Variants in LDB2 observed in about 807,000 individuals in gnomAD.
LDB2 encodes LIM domain-binding protein 2.
Under a neutral mutation model 44.3 loss-of-function variants are expected in LDB2, and 12 were observed. The ratio of observed to expected loss-of-function variants is 0.27; its 90% CI spans 0.17 to 0.44. The LOEUF (loss-of-function observed/expected upper bound fraction) is 0.44. LDB2 is among the 20% of genes least tolerant of loss of function. LDB2 has a pLI of 1.00. For synonymous variants in LDB2, 164 were observed against 174.8 expected (o/e 0.94, Z 0.49); for missense variants, 344 against 473.5 (o/e 0.73, Z 2.54).
intron 1 of LDB2, among the ~76,000 whole-genome samples, chr4:16,811,297 G>A (rs964897222): frequency 3.9e-5 from 6 of 152,104 alleles, no homozygotes; most frequent in African/African-American, 1.4e-4. Context: ...TATGTCCCAT[G>A]GTTAATTCAC....
intron 2 of LDB2, among the ~76,000 whole-genome samples, chr4:16,758,033 A>G (rs1444136307): frequency 6.6e-6 from 1 of 151,992 alleles, no homozygotes; most frequent in African/African-American, 2.4e-5. Context: ...CAGCAAGTCC[A>G]CTCCGGGCTG....
chr4:16,590,349 A>C (rs557874188), intron 3 of LDB2, among the ~76,000 whole-genome samples: 1 of 152,342 alleles, frequency 6.6e-6, no homozygotes, highest in Non-Finnish European at 1.5e-5. Flanking sequence ...TAAATGAATA[A>C]GTAAAAATTA....
intron 2 of LDB2, among the ~76,000 whole-genome samples, chr4:16,640,510 T>C (rs1156305921): frequency 6.6e-6 from 1 of 152,156 alleles, no homozygotes; most frequent in Admixed American, 6.5e-5. Context: ...TCTTCATCAT[T>C]ATTTCTCAGA....
chr4:16,711,675 C>T (rs1755900640), intron 2 of LDB2, among the ~76,000 whole-genome samples: 1 of 151,940 alleles, frequency 6.6e-6, no homozygotes, highest in Non-Finnish European at 1.5e-5. Context: ...CAGTTAAGGA[C>T]CTGATTTCAA....
chr4:16,520,976 C>T (rs1444703910), intron 5 of LDB2, among the ~76,000 whole-genome samples: 2 of 152,128 alleles, frequency 1.3e-5, no homozygotes, highest in Non-Finnish European at 2.9e-5. Context: ...GGTTATTTGC[C>T]TCTTTGCTCT....
intron 2 of LDB2, among the ~76,000 whole-genome samples, chr4:16,753,542 G>C (rs904452676): frequency 6.6e-6 from 1 of 152,194 alleles, no homozygotes; most frequent in Non-Finnish European, 1.5e-5. Flanking sequence ...GTGGATTTGT[G>C]GTTCTTCAGA....
intron 2 of LDB2, among the ~76,000 whole-genome samples, chr4:16,641,040 C>CTA (rs1335506159): frequency 6.6e-6 from 1 of 151,680 alleles, no homozygotes; most frequent in Non-Finnish European, 1.5e-5. Context: ...AAGTTGAAAA[C>CTA]TATAAGGAAA....
In LDB2 at chr4:16,840,331, C is replaced by T. The variant is rs552245002; in HGVS notation, c.132+58023G>A. 9.2e-5 allele frequency among the ~76,000 whole-genome samples: 14 copies of T among 152,274 alleles called. No homozygotes were observed. The South Asian group carries it at 2.7e-3, about 29-fold the overall frequency. On this transcript the variant is annotated intron_variant, in intron 1 of 7. Coordinates refer to ENST00000304523, the MANE Select transcript of LDB2 (RefSeq NM_001290.5). ...TAAATGTATGCATGTGCTACTATCACAACTATGTAAAAAGATACATATATA... is the reference window on the plus strand; with the variant it reads ...TAAATGTATGCATGTGCTACTATCATAACTATGTAAAAAGATACATATATA...
At chr4:16,865,496 G>C (rs1561481528) in intron 1 of LDB2, among the ~76,000 whole-genome samples, 1 of 152,134 alleles carries the variant, frequency 6.6e-6, no homozygotes, top group East Asian at 1.9e-4. Flanking sequence ...ATGGCACTAA[G>C]GGCACCTCCT....
chr4:16,807,358 A>T (rs543455669), intron 1 of LDB2, among the ~76,000 whole-genome samples: 2 of 152,368 alleles, frequency 1.3e-5, no homozygotes, highest in South Asian at 4.1e-4. Flanking sequence ...TCTTCTAACC[A>T]GGAATAATGC....
At chr4:16,746,938 C>A (rs1764517929) in intron 2 of LDB2, among the ~76,000 whole-genome samples, 1 of 152,100 alleles carries the variant, frequency 6.6e-6, no homozygotes, top group Non-Finnish European at 1.5e-5. Flanking sequence ...CCACAAAGCC[C>A]AGAACTAGAA....
chr4:16,586,528 AACAC>A (rs375304103), intron 4 of LDB2, among the ~76,000 whole-genome samples: 4 of 69,434 alleles, frequency 5.8e-5, no homozygotes, highest in Admixed American at 1.3e-4. Context: ...ACACACACAA[AACAC>A]ACACACACAC....
At chr4:16,733,375 G>A (rs554157497) in intron 2 of LDB2, among the ~76,000 whole-genome samples, 3 of 152,112 alleles carry the variant, frequency 2.0e-5, no homozygotes, top group African/African-American at 7.2e-5. Context: ...AAGTTGGGGG[G>A]CTCTTGAGGG....
At chr4:16,604,505 A>G (rs897265163) in intron 2 of LDB2, among the ~76,000 whole-genome samples, 1 of 149,472 alleles carries the variant, frequency 6.7e-6, no homozygotes, top group Admixed American at 6.7e-5. Context: ...ATAACTTTGC[A>G]ATAACATGAG....
At chr4:16,689,094 G>A (rs1338252699) in intron 2 of LDB2, among the ~76,000 whole-genome samples, 1 of 152,194 alleles carries the variant, frequency 6.6e-6, no homozygotes, top group African/African-American at 2.4e-5. Flanking sequence ...GTGATGGAAG[G>A]GAAAGACAAG....
chr4:16,687,701 C>T (rs1749600035), intron 2 of LDB2, among the ~76,000 whole-genome samples: 1 of 152,122 alleles, frequency 6.6e-6, no homozygotes, highest in Admixed American at 6.5e-5. Context: ...TGCACCCTCC[C>T]ACACCCACCC....
intron 1 of LDB2, among the ~76,000 whole-genome samples, chr4:16,760,457 C>T (rs1298151060): frequency 2.0e-5 from 3 of 152,198 alleles, no homozygotes; most frequent in Non-Finnish European, 4.4e-5. Context: ...TTTTGCATCT[C>T]TCTTTGGCTT....
At position 16,517,837 on chromosome 4, in the gene LDB2, T is replaced by C. The variant is rs375637240; in HGVS notation, c.616-5733A>G. Reference sequence around the variant, plus strand: ...GATTCTGGCCCCAACACTGACCCTTTGGTATGAAATTTTGTAATCACAACA... The same window carrying C: ...GATTCTGGCCCCAACACTGACCCTTCGGTATGAAATTTTGTAATCACAACA... On this transcript the variant is annotated intron_variant, in intron 5 of 7. Transcript: ENST00000304523. Among the ~76,000 whole-genome samples, 3 of 152,252 alleles carry C rather than the reference T, an allele frequency of 2.0e-5. No homozygotes were observed. In the South Asian group the frequency reaches 6.2e-4, roughly 32 times the overall value.
In LDB2 at chr4:16,692,472, C is replaced by T. The variant is rs1354739040; in HGVS notation, c.235+66686G>A. The stretch of plus-strand genomic sequence containing the variant: ...CTTCCAACTTCACCTTGGAAAGTAG[C>T]GATGTACAGGTACTGGTGCCCTGAA... On this transcript the variant is annotated intron_variant, in intron 2 of 7. Coordinates refer to ENST00000304523, the MANE Select transcript of LDB2 (RefSeq NM_001290.5). Among the ~76,000 whole-genome samples the T allele has an allele frequency of 3.9e-5, 6 of 152,212 alleles. No individual in the cohort carries two copies. The East Asian group carries it at 1.2e-3, about 29-fold the overall frequency.
Sources: gnomAD v4.1 joint callset for allele counts (sites outside exome capture counted in the v4.1 genomes callset) on GRCh38, gnomAD v4.1.1 for gene constraint, MANE v1.5 for transcripts, NCBI Gene and HGNC (gene_info 2026-07-23, HGNC 2026-07-21) for gene names.